GOLGA4: variants seen among roughly 807,000 people sequenced by gnomAD.
GOLGA4 encodes the protein golgin A4, also known as golgin subfamily A member 4.
A neutral mutation model predicts 265.9 loss-of-function variants in GOLGA4; 169 were observed. That is an observed-to-expected ratio of 0.64 (90% CI 0.56 to 0.72). The LOEUF is 0.72. GOLGA4 is among the 30% of genes least tolerant of loss of function. The pLI is 0.00. For missense variants in GOLGA4, 2,482 were observed against 2,483.4 expected (o/e 1.00, Z 0.01); for synonymous variants, 923 against 855.8 (o/e 1.08, Z -1.37).
chr3:37,294,748 G>C (rs1420616896), intron 5 of GOLGA4, among the ~76,000 whole-genome samples: 1 of 152,078 alleles, frequency 6.6e-6, no homozygotes, highest in Non-Finnish European at 1.5e-5. Flanking sequence ...TACAGCTCTG[G>C]AAAGTACACT....
Position 37,319,184 on chromosome 3 carries a change from A to G in GOLGA4, c.1535A>G (p.Lys512Arg). The change falls in exon 12 of 24, where the codon AAA (lysine) becomes AGA (arginine). Residue 512 changes from lysine (K) to arginine (R), a missense_variant. Transcript: ENST00000361924. ...TREREFQEQM[K>R]VALEKSQSEY... ...GAAAGGGAATTTCAGGAACAAATGA[A>G]AGTAGCTCTTGTAAGTGACTATTTT... 1 of 1,607,200 alleles carries G rather than the reference A, an allele frequency of 6.2e-7. No individual in the cohort carries two copies. Among genetic ancestry groups the G allele is most frequent in the Non-Finnish European group, 8.5e-7 (1 of 1,177,372 alleles).
At chr3:37,343,865 C>A (rs186650600) in intron 20 of GOLGA4, among the ~76,000 whole-genome samples, 153 of 152,332 alleles carry the variant, frequency 1.0e-3, no homozygotes, top group African/African-American at 3.6e-3. Context: ...TAAGATCTGT[C>A]ACCCAGTTCC....
rs541770004 is a variant in GOLGA4 at position 37,307,911 on chromosome 3, TGATA to T, written c.1234+5584_1234+5587del. On this transcript the variant is annotated intron_variant, in intron 10 of 23. Coordinates refer to ENST00000361924, the MANE Select transcript of GOLGA4 (RefSeq NM_002078.5). The stretch of plus-strand genomic sequence containing the variant: ...ATTAGCCTGATGTTTTCAAGGTATT[TGATA>T]GATAAATATGTATGTAAAGTGTACA... 8.5e-5 allele frequency among the ~76,000 whole-genome samples: 13 copies of T among 152,308 alleles called. No homozygotes were observed. The East Asian group carries it at 2.5e-3, about 29-fold the overall frequency.
intron 20 of GOLGA4, among the ~76,000 whole-genome samples, chr3:37,346,116 A>T (rs996055795): frequency 2.0e-5 from 3 of 151,984 alleles, no homozygotes; most frequent in African/African-American, 4.8e-5. Context: ...GTTCTTAAGA[A>T]CTCTATACTT....
At chr3:37,288,679 C>G (rs1000806416) in intron 4 of GOLGA4, among the ~76,000 whole-genome samples, 1 of 146,972 alleles carries the variant, frequency 6.8e-6, no homozygotes, top group African/African-American at 2.5e-5. Flanking sequence ...GGGGTTTCAC[C>G]ATATTAGCCA....
intron 20 of GOLGA4, among the ~76,000 whole-genome samples, chr3:37,340,677 A>G (rs112023751): frequency 3.3e-5 from 5 of 152,148 alleles, no homozygotes; most frequent in Non-Finnish European, 7.3e-5. Context: ...TTTAGATTCC[A>G]CATGTAAGTG....
At chr3:37,312,036 T>C (rs1033686146) in intron 10 of GOLGA4, among the ~76,000 whole-genome samples, 6 of 152,232 alleles carry the variant, frequency 3.9e-5, no homozygotes, top group Admixed American at 3.3e-4. Context: ...TTTTACTTAA[T>C]TGACAAAAGG....
chr3:37,330,376 A>C (rs966618663), intron 16 of GOLGA4, among the ~76,000 whole-genome samples: 3 of 152,210 alleles, frequency 2.0e-5, no homozygotes, highest in Non-Finnish European at 4.4e-5. Flanking sequence ...ATGGATAATT[A>C]AGTCAGGGAG....
At chr3:37,356,177 CA>C (rs1352880093) in intron 22 of GOLGA4, among the ~76,000 whole-genome samples, 2 of 152,096 alleles carry the variant, frequency 1.3e-5, no homozygotes, top group East Asian at 1.9e-4. Flanking sequence ...AGAATTCAAC[CA>C]AAAATCTGGG....
intron 2 of GOLGA4, chr3:37,276,621 C>G: frequency 6.5e-7 from 1 of 1,546,204 alleles, no homozygotes; most frequent in South Asian, 1.2e-5. Context: ...GGCAAAATAT[C>G]TGGACCATTA....
At chr3:37,318,233 G>T (rs2096943451) in intron 11 of GOLGA4, among the ~76,000 whole-genome samples, 1 of 151,866 alleles carries the variant, frequency 6.6e-6, no homozygotes, top group African/African-American at 2.4e-5. Flanking sequence ...TTTTTGTAGA[G>T]ACGGGGTCTG....
At position 37,323,693 on chromosome 3, in the gene GOLGA4, A is replaced by G. The variant is rs774685682; in HGVS notation, c.1807A>G (p.Lys603Glu). Reference sequence around the variant, plus strand: ...GGAAGCTGAAAAAAATAAGCACAATAAGGAGATTACAGTCATGGTTGAAAA... The same window carrying G: ...GGAAGCTGAAAAAAATAAGCACAATGAGGAGATTACAGTCATGGTTGAAAA... ...HLEAEKNKHN[K>E]EITVMVEKHK... Residue 603 changes from lysine (K) to glutamate (E), a missense_variant, in exon 14 of 24, where the codon AAG becomes GAG. Lys to Glu is a moderately conservative substitution (Grantham distance 56, BLOSUM62 1). Around this residue, in one of 3 missense-constraint regions of GOLGA4, gnomAD observed 1,536 missense variants for 1,483.7 expected, o/e 1.04. Coordinates refer to ENST00000361924, the MANE Select transcript of GOLGA4 (RefSeq NM_002078.5). 3.7e-6 allele frequency: 6 copies of G among 1,612,622 alleles called. No homozygotes were observed. The highest frequency in any genetic ancestry group is 8.5e-7 in the Non-Finnish European group (1 of 1,179,624).
At chr3:37,295,981 T>A in intron 6 of GOLGA4, 106 bp from the exon 7 acceptor site, 1 of 952,144 alleles carries the variant, frequency 1.1e-6, no homozygotes, top group Non-Finnish European at 1.7e-6. Flanking sequence ...CGGATTTTGG[T>A]ATTAACAGGG....
At chr3:37,285,248 A>G (rs1240683818) in intron 3 of GOLGA4, among the ~76,000 whole-genome samples, 1 of 149,224 alleles carries the variant, frequency 6.7e-6, no homozygotes, top group Admixed American at 6.7e-5. Context: ...TGATCCTTCT[A>G]CCTCGGCCTC....
At position 37,302,023 on chromosome 3, in the gene GOLGA4, A is replaced by C. The variant is rs568279321; in HGVS notation, c.1087-162A>C. On this transcript the variant is annotated intron_variant, in intron 9 of 23. Coordinates refer to ENST00000361924, the MANE Select transcript of GOLGA4 (RefSeq NM_002078.5). ...AGGCTGGTCTCGAACTCCTGATCTCAGGTGATCCACCCTCCTTGGCCTCCC... is the reference window on the plus strand; with the variant it reads ...AGGCTGGTCTCGAACTCCTGATCTCCGGTGATCCACCCTCCTTGGCCTCCC... 3.3e-5 allele frequency among the ~76,000 whole-genome samples: 5 copies of C among 152,304 alleles called. No homozygotes were observed. The East Asian group carries it at 9.6e-4, about 29-fold the overall frequency.
intron 4 of GOLGA4, 96 bp from the exon 5 acceptor site, chr3:37,289,139 G>A (rs948835499): frequency 2.9e-6 from 2 of 690,740 alleles, no homozygotes; most frequent in Middle Eastern, 3.7e-4. Flanking sequence ...ATAAACGGTT[G>A]TAATATTTTA....
chr3:37,342,125 T>G (rs1316532128), intron 20 of GOLGA4, among the ~76,000 whole-genome samples: 1 of 152,066 alleles, frequency 6.6e-6, no homozygotes, highest in East Asian at 1.9e-4. Flanking sequence ...GGTGGATCAC[T>G]TGAGGCCGGG....
At chr3:37,312,503 A>G (rs2096925776) in intron 10 of GOLGA4, among the ~76,000 whole-genome samples, 1 of 152,094 alleles carries the variant, frequency 6.6e-6, no homozygotes, top group South Asian at 2.1e-4. Context: ...GGCAAATGCC[A>G]GTAAAGTTAG....
chr3:37,304,872 T>A (rs890104375), intron 10 of GOLGA4, among the ~76,000 whole-genome samples: 9 of 152,188 alleles, frequency 5.9e-5, no homozygotes, highest in African/African-American at 1.4e-4. Context: ...CATATTTTTT[T>A]AATATTTGAT....
Sources: gnomAD v4.1 joint callset for allele counts (sites outside exome capture counted in the v4.1 genomes callset) on GRCh38, gnomAD v4.1.1 for gene constraint, gnomAD v4.1.1 regional missense constraint, MANE v1.5 for transcripts, NCBI Gene and HGNC (gene_info 2026-07-23, HGNC 2026-07-21) for gene names.